Variants in LMTK3 observed in about 807,000 individuals in gnomAD.
LMTK3 encodes the protein serine/threonine-protein kinase LMTK3.
LMTK3 carries 27 observed loss-of-function variants against 116.7 expected under a neutral mutation model. The ratio of observed to expected loss-of-function variants is 0.23; its 90% confidence interval spans 0.17 to 0.32. LMTK3 has a LOEUF of 0.32. Ranked by LOEUF, LMTK3 falls within the 10% of genes least tolerant of loss-of-function variation. LMTK3 has a pLI of 1.00. For missense variants in LMTK3, 1,764 were observed against 2,068.5 expected, an observed-to-expected ratio of 0.85 and a Z score of 2.86; for synonymous variants, 965 against 971.0, an observed-to-expected ratio of 0.99 and a Z score of 0.11.
intron 14 of LMTK3, among the ~76,000 whole-genome samples, chr19:48,490,792 G>C (rs1299264655): frequency 2.0e-5 from 3 of 152,192 alleles, no homozygotes; most frequent in Non-Finnish European, 4.4e-5. Context: ...GATCCGGCAA[G>C]TGCCAGGCCG....
intron 5 of LMTK3, among the ~76,000 whole-genome samples, chr19:48,504,230 G>A (rs1335471066): frequency 2.0e-5 from 3 of 152,198 alleles, no homozygotes; most frequent in East Asian, 3.9e-4. Flanking sequence ...TGGCCCCTCC[G>A]GGCCTCTGCC....
rs1972634387 is a variant in LMTK3 at position 48,510,299 on chromosome 19, C to T, written c.211-126G>A. On this transcript the variant is annotated intron_variant, in intron 2 of 14. Coordinates refer to ENST00000600059, the MANE Select transcript of LMTK3 (RefSeq NM_001388485.1). ...CTCCCAGTCCCAGCCCAATTTCCAT[C>T]CCCCATTTCCCCATCCCAAGGCTCC... 5.0e-6 allele frequency: 7 copies of T among 1,389,610 alleles called. No individual in the cohort carries two copies. In the Admixed American group the frequency reaches 7.3e-5, roughly 14 times the overall value. The allele number at this position is 1,389,610 out of a possible 1,614,324, so 86.1% of individuals were successfully genotyped here. A position where few individuals can be genotyped will look rare whatever the true frequency, so the allele number is the denominator to read the frequency against.
At chr19:48,496,296 C>CTTTTTTT (rs1365263028) in intron 11 of LMTK3, among the ~76,000 whole-genome samples, 6 of 142,202 alleles carry the variant, frequency 4.2e-5, no homozygotes, top group African/African-American at 1.6e-4. Context: ...TTTTCTTTTT[C>CTTTTTTT]TTTTCTTTTT....
Position 48,491,488 on chromosome 19 carries a change from C to A in LMTK3, c.4144G>T (p.Asp1382Tyr). The change falls in exon 13 of 15, where the codon GAC becomes TAC. Residue 1382 changes from aspartate to tyrosine, a missense_variant. Asp to Tyr is a radical substitution (Grantham distance 160). Transcript: ENST00000600059. This position sits in a 1 kb window ranked among gnomAD's most constrained non-coding sequence, Gnocchi z 5.1. ...GGGGGCGCTGGAGGCGTTGACGGGT[C>A]CGTGTCCCCCTCGGGGGGGGCCTGG... is the stretch of plus-strand genomic sequence containing the variant. ...SVQAPPEGDTDPSTPPAPPTP... is the reference protein window; with the variant it reads ...SVQAPPEGDTYPSTPPAPPTP... 1 of 1,410,382 alleles carries A rather than the reference C, an allele frequency of 7.1e-7. No individual in the cohort carries two copies. Among genetic ancestry groups the A allele is most frequent in the South Asian group, 1.6e-5 (1 of 61,630 alleles). 87.4% of individuals were successfully genotyped at this position (1,410,382 alleles called of 1,614,324 possible). A position where few individuals can be genotyped will look rare whatever the true frequency, so the allele number is the denominator to read the frequency against.
At chr19:48,506,958 C>A (rs796314206) in intron 5 of LMTK3, among the ~76,000 whole-genome samples, 4 of 152,124 alleles carry the variant, frequency 2.6e-5, no homozygotes, top group African/African-American at 9.7e-5. Flanking sequence ...GCCACCGTGC[C>A]TGGCCAATTT....
chr19:48,499,984 G>T, intron 10 of LMTK3, 67 bp from the exon 11 acceptor site: 8 of 1,450,196 alleles, frequency 5.5e-6, no homozygotes, highest in Non-Finnish European at 6.5e-6. Context: ...CCAGGGAGGG[G>T]ACAGACAACC....
At position 48,497,789 on chromosome 19, in the gene LMTK3, C is replaced by T. The variant is rs1407215759; in HGVS notation, c.3280G>A (p.Glu1094Lys). The T allele has an allele frequency of 5.8e-6, 8 of 1,375,054 alleles. No homozygotes were observed. Among genetic ancestry groups the T allele is most frequent in the African/African-American group, 1.5e-5 (1 of 65,988 alleles). The allele number at this position is 1,375,054 out of a possible 1,614,324, so 85.2% of individuals were successfully genotyped here. A position where few individuals can be genotyped will look rare whatever the true frequency, so the allele number is the denominator to read the frequency against. Reference protein sequence around the residue: ...LEPGTERRAPETGGAPRAPGA... With the variant: ...LEPGTERRAPKTGGAPRAPGA... The stretch of plus-strand genomic sequence containing the variant: ...GGGGCTCTCGGCGCCCCCCCAGTCT[C>T]GGGGGCTCTCCTCTCGGTCCCGGGT... Residue 1094 changes from glutamate (E) to lysine (K), a missense_variant, in exon 11 of 15, where the codon GAG becomes AAG. Physicochemically the swap from Glu to Lys is moderately conservative, Grantham distance 56. Around this residue, in one of 7 missense-constraint regions of LMTK3, gnomAD observed 1,028 missense variants for 1,050.6 expected, o/e 0.98. Transcript: ENST00000600059. The surrounding 1 kb of genome is among the most constrained non-coding windows in gnomAD (Gnocchi z 5.7).
At chr19:48,487,039 T>TTTC (rs1972137677) in intron 14 of LMTK3, among the ~76,000 whole-genome samples, 1 of 151,004 alleles carries the variant, frequency 6.6e-6, no homozygotes, top group African/African-American at 2.4e-5. Flanking sequence ...CTATTTTTTT[T>TTTC]TTTTTTTTTT....
At chr19:48,511,407 A>G in intron 1 of LMTK3, 94 bp downstream of exon 1, 1 of 448,516 alleles carries the variant, frequency 2.2e-6, no homozygotes, top group East Asian at 4.0e-5. Context: ...GCACCAGGTG[A>G]CGGGGCAGGA....
intron 7 of LMTK3, 78 bp downstream of exon 7, chr19:48,502,354 CT>C: frequency 1.3e-6 from 2 of 1,506,402 alleles, no homozygotes; most frequent in South Asian, 1.2e-5. Flanking sequence ...TCCGCCCCCC[CT>C]CTAGCCCCTC....
In LMTK3 at chr19:48,497,354, C is replaced by G; in HGVS notation, c.3676+39G>C. On this transcript the variant is annotated intron_variant, in intron 11 of 14. Coordinates refer to ENST00000600059, the MANE Select transcript of LMTK3 (RefSeq NM_001388485.1). This position sits in a 1 kb window ranked among gnomAD's most constrained non-coding sequence, Gnocchi z 5.7. ...CACCCTCCGCACGCCTCGGAAACAG[C>G]CGGACCTCAGCCCTGACTGTGCCCC... 1 of 1,425,322 alleles carries G rather than the reference C, an allele frequency of 7.0e-7. No individual in the cohort carries two copies. The highest frequency in any genetic ancestry group is 9.2e-7 in the Non-Finnish European group (1 of 1,084,384). 88.3% of individuals were successfully genotyped at this position (1,425,322 alleles called of 1,614,324 possible).
chr19:48,491,993 C>T lies in LMTK3; in HGVS notation c.4093-454G>A, dbSNP rs1277620068. 6.6e-6 allele frequency among the ~76,000 whole-genome samples: 1 copy of T among 151,984 alleles called. No homozygotes were observed. Among genetic ancestry groups the T allele is most frequent in the Non-Finnish European group, 1.5e-5 (1 of 67,978 alleles). On this transcript the variant is annotated intron_variant, in intron 12 of 14. Transcript: ENST00000600059. This position sits in a 1 kb window ranked among gnomAD's most constrained non-coding sequence, Gnocchi z 5.1. ...TGCTGTGACCCTGCCCCTGAGCCCT[C>T]CCTCAGAAGTAGACCTGCTCCCGCC...
chr19:48,503,023 G>C, intron 5 of LMTK3, 27 bp from the exon 6 acceptor site: 1 of 1,453,574 alleles, frequency 6.9e-7, no homozygotes, highest in South Asian at 1.2e-5. Flanking sequence ...TGGCTGAGTT[G>C]GGAAGGCAGC....
At chr19:48,509,581 G>A in intron 3 of LMTK3, 68 bp from the exon 4 acceptor site, 2 of 1,291,244 alleles carry the variant, frequency 1.5e-6, no homozygotes, top group Non-Finnish European at 2.1e-6. Flanking sequence ...ACACACCCCA[G>A]GTCAGTGGGG....
intron 14 of LMTK3, among the ~76,000 whole-genome samples, chr19:48,488,931 G>T (rs1453020223): frequency 1.3e-5 from 2 of 152,068 alleles, no homozygotes; most frequent in South Asian, 4.1e-4. Context: ...TAGAGACAGG[G>T]TTTCTCCATG....
intron 2 of LMTK3, 90 bp downstream of exon 2, chr19:48,510,360 CGGATTTACT>C: frequency 1.3e-6 from 2 of 1,484,654 alleles, no homozygotes; most frequent in South Asian, 2.5e-5. Flanking sequence ...AAGGTGCTCT[CGGATTTACT>C]GCCCCCTTCT....
rs765355933 is a variant in LMTK3 at position 48,497,808 on chromosome 19, C to T, written c.3261G>A (p.Gly1087=). The T allele has an allele frequency of 1.2e-4, 169 of 1,386,196 alleles. No individual in the cohort carries two copies. Among genetic ancestry groups the T allele is most frequent in the Non-Finnish European group, 1.5e-4 (165 of 1,076,112 alleles). The allele number at this position is 1,386,196 out of a possible 1,614,324, so 85.9% of individuals were successfully genotyped here. The change falls in exon 11 of 15, where the codon GGG becomes GGA. Residue 1087 remains glycine (G), a synonymous_variant. Transcript: ENST00000600059. The surrounding 1 kb of genome is among the most constrained non-coding windows in gnomAD (Gnocchi z 5.7). ...CAGTCTCGGGGGCTCTCCTCTCGGT[C>T]CCGGGTTCCAGCGTCCCGTTCTTGG... ...PAPKNGTLEP[G]TERRAPETGG...
chr19:48,507,226 C>A (rs1972585048), intron 5 of LMTK3, among the ~76,000 whole-genome samples: 1 of 152,224 alleles, frequency 6.6e-6, no homozygotes, highest in East Asian at 1.9e-4. Context: ...CCGCTCTGCT[C>A]TCAAATCCTC....
At chr19:48,501,624 C>T in intron 7 of LMTK3, 62 bp from the exon 8 acceptor site, 1 of 1,483,696 alleles carries the variant, frequency 6.7e-7, no homozygotes, top group Non-Finnish European at 9.1e-7. Context: ...CCTGACCCCG[C>T]CCTTTCACAC....
Sources: gnomAD v4.1 joint callset for allele counts (sites outside exome capture counted in the v4.1 genomes callset) on GRCh38, gnomAD v4.1.1 for gene constraint, gnomAD v4.1.1 regional missense constraint, Gnocchi (gnomAD v3.1) non-coding constraint, MANE v1.5 for transcripts, NCBI Gene and HGNC (gene_info 2026-07-23, HGNC 2026-07-21) for gene names.